MGAT4C: variants seen among roughly 807,000 people sequenced by gnomAD.
The protein encoded by MGAT4C is MGAT4 family member C.
MGAT4C carries 19 observed loss-of-function variants against 40.1 expected under a neutral mutation model. The ratio of observed to expected loss-of-function variants is 0.47; its 90% CI spans 0.33 to 0.70. The LOEUF (loss-of-function observed/expected upper bound fraction) is 0.70, where lower values mean the gene tolerates loss of function less well. Ranked by LOEUF, MGAT4C falls within the 30% of genes least tolerant of loss-of-function variation. The pLI, the probability that MGAT4C is intolerant of heterozygous loss-of-function variation, is 0.02. For synonymous variants in MGAT4C, 181 were observed against 187.1 expected (o/e 0.97, Z 0.27); for missense variants, 491 against 563.2 (o/e 0.87, Z 1.30).
chr12:86,470,125 T>C (rs1957737799), intron 2 of MGAT4C, among the ~76,000 whole-genome samples: 1 of 152,138 alleles, frequency 6.6e-6, no homozygotes, highest in Admixed American at 6.6e-5. Context: ...ATCTAAATTA[T>C]CTAAGTTAAG....
At chr12:86,388,659 C>G (rs915766361) in intron 3 of MGAT4C, among the ~76,000 whole-genome samples, 3 of 149,526 alleles carry the variant, frequency 2.0e-5, no homozygotes, top group African/African-American at 7.4e-5. Flanking sequence ...GATCAATAAA[C>G]ACTTCAGCGT....
intron 1 of MGAT4C, among the ~76,000 whole-genome samples, chr12:86,145,767 T>C (rs1883426670): frequency 6.6e-6 from 1 of 152,170 alleles, no homozygotes; most frequent in South Asian, 2.1e-4. Context: ...ATGAAAATTA[T>C]TTTAGGATTA....
At chr12:86,036,172 G>T (rs1395080880) in intron 2 of MGAT4C, among the ~76,000 whole-genome samples, 2 of 150,114 alleles carry the variant, frequency 1.3e-5, no homozygotes, top group East Asian at 1.9e-4. Context: ...TAAGCAGTGT[G>T]GCCATTTTCA....
At chr12:86,416,636 C>T (rs1161803939) in intron 3 of MGAT4C, among the ~76,000 whole-genome samples, 1 of 152,042 alleles carries the variant, frequency 6.6e-6, no homozygotes, top group East Asian at 1.9e-4. Context: ...GTAGGAGTAT[C>T]ATGTAAATGG....
At chr12:86,571,682 T>C (rs1179082993) in intron 2 of MGAT4C, among the ~76,000 whole-genome samples, 1 of 152,128 alleles carries the variant, frequency 6.6e-6, no homozygotes, top group Non-Finnish European at 1.5e-5. Context: ...TTGTATAGAT[T>C]ATAAGCTTTA....
chr12:86,150,644 C>T (rs1433364030), intron 1 of MGAT4C, among the ~76,000 whole-genome samples: 2 of 152,048 alleles, frequency 1.3e-5, no homozygotes, highest in African/African-American at 2.4e-5. Context: ...GTGGTTTATA[C>T]AGGAAATTGT....
Position 85,956,039 on chromosome 12 carries a change from C to T in MGAT4C, c.*23250G>A, listed in dbSNP as rs190663018. The T allele has an allele frequency of 6.6e-6, 1 of 152,278 alleles. No individual in the cohort carries two copies. The highest frequency in any genetic ancestry group is 2.4e-5 in the African/African-American group (1 of 41,558). 9.4% of individuals were successfully genotyped at this position (152,278 alleles called of 1,614,324 possible). A position where few individuals can be genotyped will look rare whatever the true frequency, so the allele number is the denominator to read the frequency against. Reference sequence around the variant, plus strand: ...AATGTAGAGGTTTTCAATTGGTTTACAGGAAGTCTGATTTTTACAAAACTA... The same window carrying T: ...AATGTAGAGGTTTTCAATTGGTTTATAGGAAGTCTGATTTTTACAAAACTA... On this transcript the variant is annotated 3_prime_UTR_variant, in exon 5 of 5. Transcript: ENST00000611864.
At chr12:86,707,032 GC>G (rs2136624933) in intron 2 of MGAT4C, among the ~76,000 whole-genome samples, 1 of 152,320 alleles carries the variant, frequency 6.6e-6, no homozygotes, top group Non-Finnish European at 1.5e-5. Flanking sequence ...CTTGCCTTCT[GC>G]CATGATGGTG....
chr12:86,269,618 TCTC>T (rs1332058984), intron 4 of MGAT4C, among the ~76,000 whole-genome samples: 3 of 151,890 alleles, frequency 2.0e-5, no homozygotes, highest in Non-Finnish European at 4.4e-5. Context: ...TTTTTCACTT[TCTC>T]CTCATTTTTC....
intron 1 of MGAT4C, among the ~76,000 whole-genome samples, chr12:86,814,310 A>ATGAAAGGCATGTTC (rs1566009078): frequency 1.1e-3 from 5 of 4,744 alleles, no homozygotes; most frequent in South Asian, 0.019. Flanking sequence ...ACGTATATAT[A>ATGAAAGGCATGTTC]TACGTATATA....
At chr12:86,683,765 T>C (rs1950023876) in intron 2 of MGAT4C, among the ~76,000 whole-genome samples, 2 of 152,170 alleles carry the variant, frequency 1.3e-5, no homozygotes. Context: ...TCATTTTCCT[T>C]TTCTTCTCAT....
intron 3 of MGAT4C, among the ~76,000 whole-genome samples, chr12:86,342,754 A>G (rs1954931417): frequency 6.6e-6 from 1 of 151,844 alleles, no homozygotes; most frequent in African/African-American, 2.4e-5. Flanking sequence ...TTTTTTTTAT[A>G]TTGTCATATA....
chr12:86,478,390 T>C lies in MGAT4C; in HGVS notation c.-228-43125A>G, dbSNP rs77624834. Among the ~76,000 whole-genome samples, 499 of 152,222 alleles carry C rather than the reference T, an allele frequency of 3.3e-3. 2 individuals are homozygous for C. Among genetic ancestry groups the C allele is most frequent in the African/African-American group, 0.012 (482 of 41,548 alleles). On this transcript the variant is annotated intron_variant, in intron 2 of 7. Transcript: ENST00000548651. ...TAAAGCCCTTAGGCATGAACAGTAA[T>C]GTATTCAGGATCTGTGGAACAGGTA... is the stretch of plus-strand genomic sequence containing the variant.
chr12:86,507,115 T>A (rs1302444311), intron 2 of MGAT4C, among the ~76,000 whole-genome samples: 1 of 152,200 alleles, frequency 6.6e-6, no homozygotes, highest in African/African-American at 2.4e-5. Context: ...ACAACATATT[T>A]GCACTAATTT....
chr12:86,469,618 T>C (rs1474307987), intron 2 of MGAT4C, among the ~76,000 whole-genome samples: 1 of 152,162 alleles, frequency 6.6e-6, no homozygotes, highest in Non-Finnish European at 1.5e-5. Context: ...ATTGCGGTTT[T>C]TTTTTCCCCT....
At chr12:86,159,879 T>A (rs539307022) in intron 1 of MGAT4C, among the ~76,000 whole-genome samples, 1 of 152,024 alleles carries the variant, frequency 6.6e-6, no homozygotes, top group East Asian at 1.9e-4. Flanking sequence ...GGGTCAGTTA[T>A]AATATCACCT....
At chr12:86,451,078 A>G (rs1758900048) in intron 2 of MGAT4C, among the ~76,000 whole-genome samples, 3 of 152,126 alleles carry the variant, frequency 2.0e-5, no homozygotes, top group Admixed American at 2.0e-4. Flanking sequence ...TAGAAATGTA[A>G]TCGCCAATGT....
intron 3 of MGAT4C, among the ~76,000 whole-genome samples, chr12:86,408,381 A>G (rs544961669): frequency 6.7e-6 from 1 of 150,072 alleles, no homozygotes; most frequent in Non-Finnish European, 1.5e-5. Context: ...GCAAAAATTA[A>G]TTAGAATGAC....
rs1330486551 is a variant in MGAT4C at position 86,111,995 on chromosome 12, C to G, written c.-56-62272G>C. On this transcript the variant is annotated intron_variant, in intron 1 of 4. Transcript: ENST00000611864. Reference sequence around the variant, plus strand: ...GCATAAAATGCCAAATATGTATGTACATGTGTATACTGTGCAAGTATACAT... The same window carrying G: ...GCATAAAATGCCAAATATGTATGTAGATGTGTATACTGTGCAAGTATACAT... Among the ~76,000 whole-genome samples the G allele has an allele frequency of 3.3e-5, 5 of 151,722 alleles. No homozygotes were observed. The East Asian group carries it at 9.6e-4, about 29-fold the overall frequency.
Sources: gnomAD v4.1 joint callset for allele counts (sites outside exome capture counted in the v4.1 genomes callset) on GRCh38, gnomAD v4.1.1 for gene constraint, MANE v1.5 for transcripts, NCBI Gene and HGNC (gene_info 2026-07-23, HGNC 2026-07-21) for gene names.